The following NRG1 variants were observed in gnomAD, a reference collection of about 807,000 sequenced individuals.
NRG1 encodes the protein pro-neuregulin-1, membrane-bound isoform.
Under a neutral mutation model 63.8 loss-of-function variants are expected in NRG1, and 18 were observed. The observed-to-expected ratio is 0.28, with a 90% CI of 0.19 to 0.42. The LOEUF is 0.42. Ranked by LOEUF, NRG1 falls within the 10% of genes least tolerant of loss-of-function variation. The pLI is 1.00. For synonymous variants in NRG1, 302 were observed against 301.3 expected, an observed-to-expected ratio of 1.00 and a Z score of -0.02; for missense variants, 762 against 814.7, an observed-to-expected ratio of 0.94 and a Z score of 0.79.
At chr8:32,077,191 A>G (rs553444184) in intron 1 of NRG1, among the ~76,000 whole-genome samples, 13 of 152,168 alleles carry the variant, frequency 8.5e-5, no homozygotes, top group Admixed American at 4.6e-4. Context: ...ACATGGTGAA[A>G]CCCCGTCTCT....
chr8:32,320,515 G>C (rs766734614), intron 1 of NRG1, among the ~76,000 whole-genome samples: 6 of 152,150 alleles, frequency 3.9e-5, no homozygotes, highest in Admixed American at 1.3e-4. Context: ...AAGGTGAAGA[G>C]GAAGAAGAGA....
intron 1 of NRG1, among the ~76,000 whole-genome samples, chr8:31,889,129 A>C (rs1379268088): frequency 1.3e-5 from 2 of 152,208 alleles, no homozygotes; most frequent in African/African-American, 4.8e-5. Context: ...AGATTCAGTA[A>C]GTGATTTAGA....
intron 5 of NRG1, among the ~76,000 whole-genome samples, chr8:32,698,177 G>A (rs1328921306): frequency 1.3e-5 from 2 of 151,038 alleles, no homozygotes; most frequent in Admixed American, 1.3e-4. Context: ...ATGCCCTCCA[G>A]CCTGATGACA....
intron 1 of NRG1, among the ~76,000 whole-genome samples, chr8:32,014,069 G>GT (rs1311197939): frequency 2.0e-5 from 3 of 152,246 alleles, no homozygotes; most frequent in Non-Finnish European, 2.9e-5. Context: ...ATTTAAAGTA[G>GT]TTTTTTCTAA....
At chr8:31,679,158 C>T (rs1808056794) in intron 1 of NRG1, among the ~76,000 whole-genome samples, 2 of 151,794 alleles carry the variant, frequency 1.3e-5, no homozygotes, top group South Asian at 4.1e-4. Context: ...TGTTTCCTTT[C>T]CTCCCTCAGT....
chr8:32,199,163 C>G (rs1263221988), intron 1 of NRG1, among the ~76,000 whole-genome samples: 1 of 152,046 alleles, frequency 6.6e-6, no homozygotes, highest in East Asian at 1.9e-4. Context: ...TGTCATATGC[C>G]TATCCATGGA....
chr8:31,933,050 G>A (rs1223393253), intron 1 of NRG1, among the ~76,000 whole-genome samples: 1 of 152,064 alleles, frequency 6.6e-6, no homozygotes, highest in Non-Finnish European at 1.5e-5. Flanking sequence ...CCTATAAAAT[G>A]TTATATAAAA....
At chr8:32,311,592 G>A (rs1856809071) in intron 1 of NRG1, among the ~76,000 whole-genome samples, 1 of 152,176 alleles carries the variant, frequency 6.6e-6, no homozygotes, top group Non-Finnish European at 1.5e-5. Context: ...TAGGGCCTGA[G>A]GGTCACAGGA....
In NRG1 at chr8:32,694,994, G is replaced by A. The variant is rs148079016; in HGVS notation, c.503-32955G>A. On this transcript the variant is annotated intron_variant, in intron 5 of 11. Transcript: ENST00000356819. ...TACTGATGATGCGAAAGGTGAGAGC[G>A]GATGAAATTTTAGCACACTGATCAA... 3.5e-3 allele frequency among the ~76,000 whole-genome samples: 536 copies of A among 152,166 alleles called. 6 individuals are homozygous for A. The highest frequency in any genetic ancestry group is 0.012 in the African/African-American group (508 of 41,500).
At chr8:31,997,896 T>C (rs1338909537) in intron 1 of NRG1, among the ~76,000 whole-genome samples, 1 of 151,982 alleles carries the variant, frequency 6.6e-6, no homozygotes, top group Non-Finnish European at 1.5e-5. Context: ...AAACATAGAA[T>C]TTAAATAACT....
At chr8:31,969,774 T>TA (rs1293346581) in intron 1 of NRG1, among the ~76,000 whole-genome samples, 2 of 152,104 alleles carry the variant, frequency 1.3e-5, no homozygotes, top group Non-Finnish European at 2.9e-5. Context: ...TAAGGAAAAT[T>TA]AAAAAACCCC....
chr8:32,130,266 A>G (rs923900806), intron 1 of NRG1, among the ~76,000 whole-genome samples: 1 of 152,012 alleles, frequency 6.6e-6, no homozygotes, highest in Admixed American at 6.6e-5. Context: ...GCTACATGAA[A>G]AAAAGCAAAT....
At chr8:32,487,332 G>C (rs1460406856) in intron 1 of NRG1, among the ~76,000 whole-genome samples, 5 of 152,112 alleles carry the variant, frequency 3.3e-5, no homozygotes, top group African/African-American at 4.8e-5. Context: ...TGAGGGTAAA[G>C]GGAAACGAAA....
At chr8:32,307,070 C>T (rs1052699159) in intron 1 of NRG1, among the ~76,000 whole-genome samples, 5 of 152,134 alleles carry the variant, frequency 3.3e-5, no homozygotes, top group African/African-American at 1.2e-4. Context: ...TACTTCCCAG[C>T]GCACATTTTT....
intron 1 of NRG1, among the ~76,000 whole-genome samples, chr8:31,780,711 A>T (rs184831178): frequency 3.9e-5 from 6 of 152,310 alleles, no homozygotes. Context: ...TGATCTGTGA[A>T]CAAATATTGG....
chr8:32,496,012 TATA>T (rs1320322369), intron 1 of NRG1, among the ~76,000 whole-genome samples: 1 of 152,182 alleles, frequency 6.6e-6, no homozygotes, highest in Non-Finnish European at 1.5e-5. Context: ...GTAATATATT[TATA>T]ATAATTTGAA....
At chr8:32,028,686 G>T (rs1355044234) in intron 1 of NRG1, among the ~76,000 whole-genome samples, 6 of 152,108 alleles carry the variant, frequency 3.9e-5, no homozygotes, top group Admixed American at 2.0e-4. Flanking sequence ...AATAACTATA[G>T]ATTTTAATTA....
intron 1 of NRG1, among the ~76,000 whole-genome samples, chr8:31,838,195 A>G (rs986613616): frequency 1.3e-5 from 2 of 152,100 alleles, no homozygotes; most frequent in African/African-American, 4.8e-5. Context: ...GACATCATTT[A>G]TTAAGCAATC....
At chr8:32,697,666 G>A (rs958617062) in intron 5 of NRG1, among the ~76,000 whole-genome samples, 1 of 152,180 alleles carries the variant, frequency 6.6e-6, no homozygotes, top group Non-Finnish European at 1.5e-5. Context: ...TTATGTATGT[G>A]CTAGAGCTGG....
Sources: allele counts gnomAD v4.1 joint callset (sites outside exome capture counted in the v4.1 genomes callset), GRCh38; gene constraint gnomAD v4.1.1; transcripts MANE v1.5; gene names NCBI Gene and HGNC (gene_info 2026-07-23, HGNC 2026-07-21).